Variants in NSD2 observed in about 807,000 individuals in gnomAD.
The protein encoded by NSD2 is nuclear receptor binding SET domain protein 2.
A neutral mutation model predicts 139.0 loss-of-function variants in NSD2; 12 were observed. That is an observed-to-expected ratio of 0.09 (90% CI 0.06 to 0.14). The LOEUF is 0.14. NSD2 is among the 10% of genes least tolerant of loss of function. The probability of loss-of-function intolerance (pLI) is 1.00; values close to 1 mark genes in which losing one functional copy is unlikely to be tolerated. For missense variants in NSD2, 1,155 were observed against 1,745.0 expected (o/e 0.66, Z 6.02); for synonymous variants, 669 against 648.7 (o/e 1.03, Z -0.48).
intron 9 of NSD2, chr4:1,946,810 C>G (rs552319436): frequency 2.8e-6 from 3 of 1,055,214 alleles, no homozygotes; most frequent in African/African-American, 3.3e-5. Context: ...TTGGGACATT[C>G]TTACAGCAGG....
chr4:1,936,393 G>A (rs902183494), intron 7 of NSD2, among the ~76,000 whole-genome samples: 1 of 152,072 alleles, frequency 6.6e-6, no homozygotes, highest in Non-Finnish European at 1.5e-5. Flanking sequence ...AGTTCTGGCC[G>A]GGTGTGGTAG....
At chr4:1,896,196 G>A (rs1716273716) in intron 1 of NSD2, among the ~76,000 whole-genome samples, 1 of 152,120 alleles carries the variant, frequency 6.6e-6, no homozygotes, top group South Asian at 2.1e-4. Context: ...CCTCTCCTTC[G>A]GGCTCTGTGC....
At chr4:1,977,376 C>G (rs992378784) in intron 21 of NSD2, among the ~76,000 whole-genome samples, 2 of 152,264 alleles carry the variant, frequency 1.3e-5, no homozygotes, top group Non-Finnish European at 2.9e-5. Context: ...TGGCTCACAC[C>G]TAAGGGTGCA....
chr4:1,901,224 T>C lies in NSD2; in HGVS notation c.570T>C (p.Ser190=). ...GCCTTGTCGAAGCAGCTCTTGTGTCTAAGATCTCAAGTCCTTCAGATAAAA... is the reference window on the plus strand; with the variant it reads ...GCCTTGTCGAAGCAGCTCTTGTGTCCAAGATCTCAAGTCCTTCAGATAAAA... ...EQGLVEAALV[S]KISSPSDKKI... Residue 190 remains serine (S), a synonymous_variant, in exon 2 of 22, where the codon TCT becomes TCC. Transcript: ENST00000508803. 6.3e-7 allele frequency: 1 copy of C among 1,588,142 alleles called. No individual in the cohort carries two copies. Among genetic ancestry groups the C allele is most frequent in the Non-Finnish European group, 8.5e-7 (1 of 1,170,392 alleles).
rs1334376909 is a variant in NSD2, at chr4:1,916,991, G to T, written c.881G>T (p.Cys294Phe). 6.2e-7 allele frequency: 1 copy of T among 1,613,960 alleles called. No homozygotes were observed. Among genetic ancestry groups the T allele is most frequent in the African/African-American group, 1.3e-5 (1 of 74,930 alleles). The change falls in exon 4 of 22, where the codon TGC becomes TTC. Residue 294 changes from cysteine to phenylalanine, a missense_variant. Cys to Phe is a radical substitution (Grantham distance 205). This residue lies in a region of NSD2 where 420 missense variants were observed against 469.0 expected (regional missense o/e 0.90). Coordinates refer to ENST00000508803, the MANE Select transcript of NSD2 (RefSeq NM_001042424.3). ...GGAGAAGGACAGTTTGAAAAATTAT[G>T]CCAGGAAAGTGCCAAGCAGGCACCC... is the stretch of plus-strand genomic sequence containing the variant. ...FEGEGQFEKL[C>F]QESAKQAPTK...
In NSD2 at chr4:1,975,286, TCTC is replaced by T; in HGVS notation, c.3515-6_3515-4del. 6.2e-7 allele frequency: 1 copy of T among 1,613,980 alleles called. No individual in the cohort carries two copies. On this transcript the variant is annotated splice_polypyrimidine_tract_variant and splice_region_variant and intron_variant, in intron 19 of 21. Transcript: ENST00000508803. Reference sequence around the variant, plus strand: ...TTCCAATTTGGTGTCTGTCTCCTCTTCTCCCAGGGACGGAGCTGACTTTTAACT... The same window carrying T: ...TTCCAATTTGGTGTCTGTCTCCTCTTCCAGGGACGGAGCTGACTTTTAACT...
At chr4:1,964,732 C>A (rs1163016460) in intron 18 of NSD2, among the ~76,000 whole-genome samples, 1 of 152,150 alleles carries the variant, frequency 6.6e-6, no homozygotes, top group East Asian at 1.9e-4. Flanking sequence ...AATTGCCCCC[C>A]TCTTTCATTT....
Position 1,955,080 on chromosome 4 carries a change from G to A in NSD2, c.2339-81G>A, listed in dbSNP as rs1724667991. On this transcript the variant is annotated intron_variant, in intron 12 of 21. Coordinates refer to ENST00000508803, the MANE Select transcript of NSD2 (RefSeq NM_001042424.3). This position sits in a 1 kb window ranked among gnomAD's most constrained non-coding sequence, Gnocchi z 4.7. Reference sequence around the variant, plus strand: ...GCATTAACTTTTCAAATTCATGGAGGCTGAGTAATTATTAGTTGCTCTTTT... The same window carrying A: ...GCATTAACTTTTCAAATTCATGGAGACTGAGTAATTATTAGTTGCTCTTTT... 7.2e-7 allele frequency: 1 copy of A among 1,392,342 alleles called. No individual in the cohort carries two copies. The highest frequency in any genetic ancestry group is 9.8e-7 in the Non-Finnish European group (1 of 1,024,024). 86.2% of individuals were successfully genotyped at this position (1,392,342 alleles called of 1,614,324 possible). A position where few individuals can be genotyped will look rare whatever the true frequency, so the allele number is the denominator to read the frequency against.
At chr4:1,932,601 C>T (rs1488462070) in intron 6 of NSD2, among the ~76,000 whole-genome samples, 1 of 151,930 alleles carries the variant, frequency 6.6e-6, no homozygotes, top group Non-Finnish European at 1.5e-5. Flanking sequence ...ACAAAATTAG[C>T]CAGGCGTGGT....
intron 1 of NSD2, among the ~76,000 whole-genome samples, chr4:1,889,317 C>T (rs1321019321): frequency 6.6e-6 from 1 of 152,160 alleles, no homozygotes; most frequent in African/African-American, 2.4e-5. Flanking sequence ...CTTCAGCTTC[C>T]TGAGTAGCTG....
At chr4:1,975,621 C>G (rs923270179) in intron 20 of NSD2, 24 of 538,394 alleles carry the variant, frequency 4.5e-5, no homozygotes, top group Non-Finnish European at 7.3e-5. Context: ...CAGAACAATG[C>G]CTCACAGACG....
chr4:1,880,871 C>T (rs974372795), intron 1 of NSD2, among the ~76,000 whole-genome samples: 2 of 152,162 alleles, frequency 1.3e-5, no homozygotes, highest in African/African-American at 2.4e-5. Context: ...GTTAGAGAAA[C>T]AGCTGAATAT....
At chr4:1,970,752 T>C (rs996019451) in intron 18 of NSD2, among the ~76,000 whole-genome samples, 1 of 151,892 alleles carries the variant, frequency 6.6e-6, no homozygotes, top group African/African-American at 2.4e-5. Context: ...CTGATTTCAG[T>C]GTGCACAAGC....
intron 9 of NSD2, chr4:1,943,087 T>TGCTTCTATAGAGCATCAGCC: frequency 4.8e-6 from 5 of 1,049,156 alleles, no homozygotes; most frequent in Non-Finnish European, 5.8e-6. Flanking sequence ...CTGCATCAGT[T>TGCTTCTATAGAGCATCAGCC]GCTTCTATAG....
At chr4:1,881,632 A>G (rs898891460) in intron 1 of NSD2, among the ~76,000 whole-genome samples, 2 of 152,180 alleles carry the variant, frequency 1.3e-5, no homozygotes, top group African/African-American at 4.8e-5. Flanking sequence ...CCTCGACTCA[A>G]GCAGTCCTTC....
intron 1 of NSD2, among the ~76,000 whole-genome samples, chr4:1,900,356 G>A (rs1449776106): frequency 6.6e-6 from 1 of 152,164 alleles, no homozygotes; most frequent in African/African-American, 2.4e-5. Context: ...TAGATTATTA[G>A]TGGTATGACT....
intron 7 of NSD2, among the ~76,000 whole-genome samples, chr4:1,937,031 C>G (rs910213520): frequency 6.6e-6 from 1 of 151,866 alleles, no homozygotes; most frequent in Non-Finnish European, 1.5e-5. Flanking sequence ...GAAGCCTGCA[C>G]TTAACATTTG....
rs532312626 is a variant in NSD2, at chr4:1,920,130, C to G, written c.1410+1507C>G. ...TGTCCCTATATGGGATCTGGAAATTCTGCCAGAGAAAGGCATTTGAGTGAT... is the reference window on the plus strand; with the variant it reads ...TGTCCCTATATGGGATCTGGAAATTGTGCCAGAGAAAGGCATTTGAGTGAT... On this transcript the variant is annotated intron_variant, in intron 5 of 21. Transcript: ENST00000508803. Among the ~76,000 whole-genome samples, 5 of 152,258 alleles carry G rather than the reference C, an allele frequency of 3.3e-5. No homozygotes were observed. The East Asian group carries it at 9.7e-4, about 29-fold the overall frequency.
intron 18 of NSD2, among the ~76,000 whole-genome samples, chr4:1,969,433 C>T (rs914206296): frequency 3.3e-5 from 5 of 152,066 alleles, no homozygotes; most frequent in Non-Finnish European, 5.9e-5. Flanking sequence ...GGTGCAATGG[C>T]GTGTGCCTAT....
Sources: gnomAD v4.1 joint callset for allele counts (sites outside exome capture counted in the v4.1 genomes callset) on GRCh38, gnomAD v4.1.1 for gene constraint, gnomAD v4.1.1 regional missense constraint, Gnocchi (gnomAD v3.1) non-coding constraint, MANE v1.5 for transcripts, NCBI Gene and HGNC (gene_info 2026-07-23, HGNC 2026-07-21) for gene names.